KSR2: variants seen among roughly 807,000 people sequenced by gnomAD.
KSR2 encodes the protein kinase suppressor of ras 2.
Under a neutral mutation model 107.8 loss-of-function variants are expected in KSR2, and 25 were observed. That is an observed-to-expected ratio of 0.23 (90% CI 0.17 to 0.32). The LOEUF is 0.32. KSR2 is among the 10% of genes least tolerant of loss of function. KSR2 has a pLI of 1.00. For synonymous variants in KSR2, 480 were observed against 507.0 expected (o/e 0.95, Z 0.71); for missense variants, 887 against 1,268.9 (o/e 0.70, Z 4.57).
chr12:117,467,820 C>T (rs1245715694), intron 19 of KSR2: 4 of 390,532 alleles, frequency 1.0e-5, no homozygotes, highest in Non-Finnish European at 2.0e-5. Context: ...GTTCAGTACA[C>T]ATAGGCTGAA....
At chr12:117,709,443 T>C (rs58560266) in intron 4 of KSR2, among the ~76,000 whole-genome samples, 26,562 of 152,066 alleles carry the variant, frequency 0.17, 3,404 homozygotes, top group African/African-American at 0.34. Flanking sequence ...CCCATCTCAG[T>C]CTCCAGAGTA....
chr12:117,767,867 G>A (rs1473023651), intron 3 of KSR2, among the ~76,000 whole-genome samples: 1 of 152,022 alleles, frequency 6.6e-6, no homozygotes, highest in African/African-American at 2.4e-5. Context: ...TCTTCTAAGC[G>A]GAAGGGGACG....
chr12:117,861,241 G>A (rs1247881621), intron 1 of KSR2, among the ~76,000 whole-genome samples: 2 of 152,130 alleles, frequency 1.3e-5, no homozygotes, highest in African/African-American at 4.8e-5. Context: ...TCACGAAGCA[G>A]GCTCTGTACT....
At chr12:117,855,206 G>A (rs909655062) in intron 3 of KSR2, among the ~76,000 whole-genome samples, 4 of 152,146 alleles carry the variant, frequency 2.6e-5, no homozygotes, top group African/African-American at 9.7e-5. Context: ...AAACCTCAGC[G>A]GGTCTTCCTG....
Position 117,583,210 on chromosome 12 carries a change from T to A in KSR2, c.1172-851A>T, listed in dbSNP as rs983191815. 4.7e-5 allele frequency among the ~76,000 whole-genome samples: 7 copies of A among 149,314 alleles called. 1 individual carries two copies. In the South Asian group the frequency reaches 1.3e-3, roughly 27 times the overall value. Reference sequence around the variant, plus strand: ...GTGGGTGGGTAAGTGGATGGATGCATGGATAGATGGATAGACGGGTGGGTA... The same window carrying A: ...GTGGGTGGGTAAGTGGATGGATGCAAGGATAGATGGATAGACGGGTGGGTA... On this transcript the variant is annotated intron_variant, in intron 5 of 19. Transcript: ENST00000339824.
chr12:117,710,048 G>A (rs1356067409), intron 4 of KSR2, among the ~76,000 whole-genome samples: 1 of 152,204 alleles, frequency 6.6e-6, no homozygotes, highest in East Asian at 1.9e-4. Flanking sequence ...GATCTGGACA[G>A]GACCTTTGGC....
At chr12:117,854,818 C>A (rs1370992064) in intron 3 of KSR2, among the ~76,000 whole-genome samples, 1 of 150,658 alleles carries the variant, frequency 6.6e-6, no homozygotes, top group Admixed American at 6.6e-5. Flanking sequence ...GGAGGGATGA[C>A]AATATATTTG....
At chr12:117,537,013 G>C (rs987159520) in intron 10 of KSR2, among the ~76,000 whole-genome samples, 2 of 152,238 alleles carry the variant, frequency 1.3e-5, no homozygotes, top group Admixed American at 6.5e-5. Context: ...AGGAGTTCGA[G>C]ATGAGCCTCA....
At chr12:117,480,214 T>G (rs1872084329) in intron 16 of KSR2, among the ~76,000 whole-genome samples, 1 of 152,182 alleles carries the variant, frequency 6.6e-6, no homozygotes, top group African/African-American at 2.4e-5. Flanking sequence ...AAAGGGAAGC[T>G]TCTCTGCTCC....
intron 3 of KSR2, among the ~76,000 whole-genome samples, chr12:117,784,956 C>T (rs763215045): frequency 6.6e-6 from 1 of 152,168 alleles, no homozygotes; most frequent in Non-Finnish European, 1.5e-5. Flanking sequence ...TGACTCTAAC[C>T]AGACTACTGA....
intron 4 of KSR2, among the ~76,000 whole-genome samples, chr12:117,755,807 G>A (rs1189403308): frequency 6.6e-6 from 1 of 152,208 alleles, no homozygotes; most frequent in Non-Finnish European, 1.5e-5. Context: ...AGTTGTGAAG[G>A]CAAAGGAAAA....
intron 5 of KSR2, among the ~76,000 whole-genome samples, chr12:117,609,992 T>G (rs1881505197): frequency 6.6e-6 from 1 of 152,156 alleles, no homozygotes. Flanking sequence ...AACTTCCTTT[T>G]TGCACAAAAG....
At chr12:117,790,360 T>C (rs10744905) in intron 3 of KSR2, among the ~76,000 whole-genome samples, 86,692 of 152,032 alleles carry the variant, frequency 0.57, 26,186 homozygotes, top group East Asian at 0.77. Context: ...GGCAGGTAGA[T>C]GACAGACAAA....
At chr12:117,923,097 GCT>G (rs1343435141) in intron 1 of KSR2, among the ~76,000 whole-genome samples, 3 of 152,130 alleles carry the variant, frequency 2.0e-5, no homozygotes, top group African/African-American at 7.2e-5. Context: ...GTGTTCCTAA[GCT>G]CAAAAAGGCT....
chr12:117,753,983 T>C (rs921007822), intron 4 of KSR2, among the ~76,000 whole-genome samples: 23 of 150,742 alleles, frequency 1.5e-4, no homozygotes, highest in Non-Finnish European at 3.1e-4. Context: ...TGTGTGTGTG[T>C]GTGTGTGTGT....
At position 117,894,611 on chromosome 12, in the gene KSR2, G is replaced by A. The variant is rs576980287; in HGVS notation, c.181-34180C>T. Among the ~76,000 whole-genome samples the A allele has an allele frequency of 6.8e-4, 103 of 152,260 alleles. 1 individual carries two copies. The highest frequency in any genetic ancestry group is 2.4e-3 in the African/African-American group (98 of 41,564). ...ATGTTGGAGAAGGGACCTGGTGGGA[G>A]GTGATTGAATCATGGGAGCAGACTT... On this transcript the variant is annotated intron_variant, in intron 1 of 19. Coordinates refer to ENST00000339824, the MANE Select transcript of KSR2 (RefSeq NM_173598.6).
intron 1 of KSR2, among the ~76,000 whole-genome samples, chr12:117,873,546 C>T (rs537544562): frequency 6.6e-6 from 1 of 151,050 alleles, no homozygotes; most frequent in East Asian, 2.0e-4. Flanking sequence ...CTGCAACCTC[C>T]ACCTCCCGGG....
At chr12:117,866,970 G>A (rs1893493903) in intron 1 of KSR2, among the ~76,000 whole-genome samples, 1 of 152,004 alleles carries the variant, frequency 6.6e-6, no homozygotes, top group South Asian at 2.1e-4. Flanking sequence ...CTATTACTTG[G>A]GGCTTAACCC....
At chr12:117,795,362 T>C (rs7314496) in intron 3 of KSR2, among the ~76,000 whole-genome samples, 85,049 of 152,040 alleles carry the variant, frequency 0.56, 24,939 homozygotes, top group East Asian at 0.77. Context: ...TGGCAGATAC[T>C]ACCTCAGCCT....
Sources: gnomAD v4.1 joint callset for allele counts (sites outside exome capture counted in the v4.1 genomes callset) on GRCh38, gnomAD v4.1.1 for gene constraint, MANE v1.5 for transcripts, NCBI Gene and HGNC (gene_info 2026-07-23, HGNC 2026-07-21) for gene names.